The following LRP1B variants were observed in gnomAD, a reference collection of about 807,000 sequenced individuals.
LRP1B encodes low-density lipoprotein receptor-related protein 1B.
LRP1B carries 217 observed loss-of-function variants against 556.6 expected under a neutral mutation model. The observed-to-expected ratio is 0.39, with a 90% confidence interval of 0.35 to 0.44. LRP1B has a LOEUF of 0.44. LRP1B is among the 20% of genes least tolerant of loss of function. LRP1B has a pLI of 1.00. For synonymous variants in LRP1B, 2,047 were observed against 1,865.8 expected (o/e 1.10, Z -2.50); for missense variants, 5,053 against 5,620.8 (o/e 0.90, Z 3.23).
intron 1 of LRP1B, among the ~76,000 whole-genome samples, chr2:142,110,336 T>C (rs1706928460): frequency 6.6e-6 from 1 of 152,076 alleles, no homozygotes. Context: ...TTTTAACTGA[T>C]AAAATTTAAA....
chr2:142,117,834 T>C (rs930777375), intron 1 of LRP1B, among the ~76,000 whole-genome samples: 1 of 152,176 alleles, frequency 6.6e-6, no homozygotes, highest in Admixed American at 6.6e-5. Context: ...TTTTCTCCAA[T>C]TTACAAGTCA....
chr2:140,324,083 G>T lies in LRP1B; in HGVS notation c.12341-17C>A, dbSNP rs1211890118. 1 of 1,568,928 alleles carries T rather than the reference G, an allele frequency of 6.4e-7. No individual in the cohort carries two copies. Among genetic ancestry groups the T allele is most frequent in the Non-Finnish European group, 8.7e-7 (1 of 1,143,698 alleles). ...GTAATAAACCTGGAATTTTAAAAAG[G>T]CAGTTATGAAAGTTTTAATGTATAT... On this transcript the variant is annotated splice_polypyrimidine_tract_variant and intron_variant, in intron 80 of 90. Transcript: ENST00000389484.
rs1243794397 is a variant in LRP1B at position 140,493,401 on chromosome 2, G to A, written c.9035-708C>T. Among the ~76,000 whole-genome samples the A allele has an allele frequency of 3.3e-5, 5 of 152,112 alleles. No homozygotes were observed. In the East Asian group the frequency reaches 7.7e-4, roughly 23 times the overall value. On this transcript the variant is annotated intron_variant, in intron 56 of 90. Coordinates refer to ENST00000389484, the MANE Select transcript of LRP1B (RefSeq NM_018557.3). ...AGACCCTCTAAACCACTAGTGTTTGGTTTCTCTTCAGAATTGATTTGGAAA... is the reference window on the plus strand; with the variant it reads ...AGACCCTCTAAACCACTAGTGTTTGATTTCTCTTCAGAATTGATTTGGAAA...
intron 32 of LRP1B, among the ~76,000 whole-genome samples, chr2:140,797,902 G>A (rs1036781497): frequency 3.9e-5 from 6 of 152,004 alleles, no homozygotes; most frequent in African/African-American, 9.7e-5. Context: ...TGTTCTTCCC[G>A]CAGGTACCTG....
At chr2:141,464,955 AG>A (rs1682124415) in intron 3 of LRP1B, among the ~76,000 whole-genome samples, 1 of 152,164 alleles carries the variant, frequency 6.6e-6, no homozygotes, top group Admixed American at 6.5e-5. Context: ...AATAAAAAAA[AG>A]GTTTTGGGTT....
At chr2:140,531,166 T>C (rs1690675008) in intron 47 of LRP1B, among the ~76,000 whole-genome samples, 1 of 152,178 alleles carries the variant, frequency 6.6e-6, no homozygotes, top group Admixed American at 6.6e-5. Context: ...TAGTTTCTTT[T>C]GATGAATCTT....
At chr2:140,458,004 ATACATATT>A (rs1687172436) in intron 60 of LRP1B, among the ~76,000 whole-genome samples, 1 of 152,162 alleles carries the variant, frequency 6.6e-6, no homozygotes, top group African/African-American at 2.4e-5. Context: ...ACATATACAT[ATACATATT>A]TACATATATA....
At chr2:141,241,455 C>G (rs946538689) in intron 5 of LRP1B, among the ~76,000 whole-genome samples, 4 of 152,082 alleles carry the variant, frequency 2.6e-5, no homozygotes, top group African/African-American at 9.6e-5. Flanking sequence ...GTGGAGAGGA[C>G]ACACTTATGT....
chr2:142,112,918 T>C (rs550428235), intron 1 of LRP1B, among the ~76,000 whole-genome samples: 1 of 152,256 alleles, frequency 6.6e-6, no homozygotes, highest in South Asian at 2.1e-4. Flanking sequence ...AAAGGACTCT[T>C]TGAAGTTATT....
chr2:141,182,248 A>C (rs1174830281), intron 7 of LRP1B, among the ~76,000 whole-genome samples: 1 of 152,082 alleles, frequency 6.6e-6, no homozygotes, highest in Non-Finnish European at 1.5e-5. Context: ...CAGATGAAAG[A>C]AACAAAATGT....
At chr2:140,908,366 ATATATAT>A (rs1386388216) in intron 21 of LRP1B, among the ~76,000 whole-genome samples, 1 of 846 alleles carries the variant, frequency 1.2e-3, no homozygotes, top group Non-Finnish European at 4.1e-3. Context: ...TATTTATATA[ATATATAT>A]ATATATATAT....
At chr2:142,006,872 G>A (rs1702821156) in intron 1 of LRP1B, among the ~76,000 whole-genome samples, 1 of 152,044 alleles carries the variant, frequency 6.6e-6, no homozygotes, top group South Asian at 2.1e-4. Context: ...TTTTTAACAT[G>A]TTTTCTCTTA....
intron 75 of LRP1B, among the ~76,000 whole-genome samples, chr2:140,355,820 A>C (rs542720003): frequency 9.2e-5 from 14 of 151,916 alleles, no homozygotes; most frequent in Admixed American, 5.3e-4. Context: ...GCTATCCTAC[A>C]TGCTCAATTT....
intron 3 of LRP1B, among the ~76,000 whole-genome samples, chr2:141,309,857 A>C (rs1686744672): frequency 6.6e-6 from 1 of 152,088 alleles, no homozygotes; most frequent in Admixed American, 6.5e-5. Flanking sequence ...TAAGAAATTC[A>C]AAAAAGACAT....
chr2:140,812,425 G>A (rs1247360933), intron 32 of LRP1B, among the ~76,000 whole-genome samples: 1 of 151,884 alleles, frequency 6.6e-6, no homozygotes, highest in Non-Finnish European at 1.5e-5. Context: ...AATAAAATTT[G>A]CAATATTTAA....
intron 33 of LRP1B, among the ~76,000 whole-genome samples, chr2:140,773,963 C>T (rs529624571): frequency 6.6e-6 from 1 of 151,968 alleles, no homozygotes; most frequent in East Asian, 1.9e-4. Flanking sequence ...ATGTTGAAAC[C>T]TCATGCCCCA....
chr2:141,616,482 CTCT>C (rs1190538053), intron 2 of LRP1B, among the ~76,000 whole-genome samples: 1 of 152,086 alleles, frequency 6.6e-6, no homozygotes, highest in Non-Finnish European at 1.5e-5. Flanking sequence ...TTAAAATTCT[CTCT>C]TCTTGTAATA....
intron 31 of LRP1B, among the ~76,000 whole-genome samples, chr2:140,819,283 G>C (rs879615832): frequency 6.6e-6 from 1 of 152,050 alleles, no homozygotes; most frequent in Non-Finnish European, 1.5e-5. Context: ...CTGATAATTT[G>C]GAGATAATCT....
rs532082188 is a variant in LRP1B, at chr2:141,268,974, C to T, written c.344-14333G>A. ...AAGCCAAGAAGACCAAAGTCAACCA[C>T]TCATACTCAGCATGACACTTGTAAA... is the stretch of plus-strand genomic sequence containing the variant. On this transcript the variant is annotated intron_variant, in intron 3 of 90. Coordinates refer to ENST00000389484, the MANE Select transcript of LRP1B (RefSeq NM_018557.3). Among the ~76,000 whole-genome samples, 7 of 152,272 alleles carry T rather than the reference C, an allele frequency of 4.6e-5. No homozygotes were observed. In the South Asian group the frequency reaches 1.5e-3, roughly 32 times the overall value.
Sources: gnomAD v4.1 joint callset for allele counts (sites outside exome capture counted in the v4.1 genomes callset) on GRCh38, gnomAD v4.1.1 for gene constraint, MANE v1.5 for transcripts, NCBI Gene and HGNC (gene_info 2026-07-23, HGNC 2026-07-21) for gene names.